Variants in DDX23 observed in about 807,000 individuals in gnomAD.
DDX23 encodes probable ATP-dependent RNA helicase DDX23.
Under a neutral mutation model 102.7 loss-of-function variants are expected in DDX23, and 33 were observed. The observed-to-expected ratio is 0.32, with a 90% CI of 0.24 to 0.43. DDX23 has a LOEUF of 0.43. Among genes scored for constraint, DDX23 ranks in the 20% least tolerant of loss-of-function variants. The pLI is 1.00. For synonymous variants in DDX23, 352 were observed against 376.0 expected (o/e 0.94, Z 0.74); for missense variants, 549 against 1,086.6 (o/e 0.51, Z 6.96).
In DDX23 at chr12:48,845,492, T is replaced by C. The variant is rs562336720; in HGVS notation, c.209+82A>G. The C allele has an allele frequency of 4.5e-5, 66 of 1,450,884 alleles. 1 individual carries two copies. The South Asian group carries it at 7.2e-4, about 16-fold the overall frequency. 89.9% of individuals were successfully genotyped at this position (1,450,884 alleles called of 1,614,324 possible). A position where few individuals can be genotyped will look rare whatever the true frequency, so the allele number is the denominator to read the frequency against. ...AAAATAAAAAGTAGATGCCTAATAC[T>C]GGAGGCATCAGAAGAACCAAGAAGG... On this transcript the variant is annotated intron_variant, in intron 2 of 16. Transcript: ENST00000308025.
In DDX23 at chr12:48,832,375, C is replaced by T; in HGVS notation, c.1955+47G>A. 1 of 1,598,684 alleles carries T rather than the reference C, an allele frequency of 6.3e-7. No homozygotes were observed. Among genetic ancestry groups the T allele is most frequent in the African/African-American group, 1.3e-5 (1 of 74,696 alleles). ...ACCTGCACTAAAAAAGTTCTCAGAG[C>T]CATTTTATTCTCCACCCTGTTTCCC... On this transcript the variant is annotated intron_variant, in intron 14 of 16. Coordinates refer to ENST00000308025, the MANE Select transcript of DDX23 (RefSeq NM_004818.3). The surrounding 1 kb of genome is among the most constrained non-coding windows in gnomAD (Gnocchi z 4.4).
chr12:48,830,384 AC>A lies in DDX23; in HGVS notation c.*84del, dbSNP rs779916442. Reference sequence around the variant, plus strand: ...AAGCCCCCATATCCCAAGAGTGAGGACCTGGAAAGAGGGATGTGAGGGTTCT... The same window carrying A: ...AAGCCCCCATATCCCAAGAGTGAGGACTGGAAAGAGGGATGTGAGGGTTCT... On this transcript the variant is annotated 3_prime_UTR_variant, in exon 17 of 17. Coordinates refer to ENST00000308025, the MANE Select transcript of DDX23 (RefSeq NM_004818.3). This position sits in a 1 kb window ranked among gnomAD's most constrained non-coding sequence, Gnocchi z 4.9. 4.1e-6 allele frequency: 6 copies of A among 1,459,170 alleles called. No individual in the cohort carries two copies. In the African/African-American group the frequency reaches 7.0e-5, roughly 17 times the overall value. The allele number at this position is 1,459,170 out of a possible 1,614,324, so 90.4% of individuals were successfully genotyped here.
At chr12:48,831,961 G>T in intron 15 of DDX23, 117 bp downstream of exon 15, 2 of 924,026 alleles carry the variant, frequency 2.2e-6, no homozygotes, top group South Asian at 1.6e-5. Flanking sequence ...CTAACTTGTT[G>T]ATTGCTGGAC....
chr12:48,851,263 G>C (rs1247476492), intron 1 of DDX23, among the ~76,000 whole-genome samples: 4 of 152,186 alleles, frequency 2.6e-5, no homozygotes, highest in Non-Finnish European at 4.4e-5. Flanking sequence ...CCTGAGCTCA[G>C]GAGTTCGAGA....
intron 1 of DDX23, among the ~76,000 whole-genome samples, chr12:48,851,493 AG>A (rs1464092881): frequency 7.2e-5 from 11 of 152,262 alleles, no homozygotes; most frequent in African/African-American, 2.4e-4. Context: ...AGAAAAGAAA[AG>A]AAAAAAAAGA....
Position 48,836,482 on chromosome 12 carries a change from C to G in DDX23, c.1236+87G>C. 1.4e-6 allele frequency: 2 copies of G among 1,407,648 alleles called. No homozygotes were observed. Among genetic ancestry groups the G allele is most frequent in the Non-Finnish European group, 2.0e-6 (2 of 1,010,594 alleles). The allele number at this position is 1,407,648 out of a possible 1,614,324, so 87.2% of individuals were successfully genotyped here. A position where few individuals can be genotyped will look rare whatever the true frequency, so the allele number is the denominator to read the frequency against. ...CATTGGTGCCCACTAGCAGCGATGG[C>G]TCCAAATAGTCAAGGAACAAAGTTC... On this transcript the variant is annotated intron_variant, in intron 10 of 16. Coordinates refer to ENST00000308025, the MANE Select transcript of DDX23 (RefSeq NM_004818.3). This position sits in a 1 kb window ranked among gnomAD's most constrained non-coding sequence, Gnocchi z 6.1.
chr12:48,846,980 A>G (rs1938678582), intron 1 of DDX23, among the ~76,000 whole-genome samples: 1 of 152,170 alleles, frequency 6.6e-6, no homozygotes, highest in Admixed American at 6.5e-5. Flanking sequence ...CTTGGGATAC[A>G]TTTCTCGCAA....
intron 2 of DDX23, among the ~76,000 whole-genome samples, chr12:48,844,999 A>T (rs975339613): frequency 4.0e-5 from 6 of 151,768 alleles, no homozygotes; most frequent in African/African-American, 1.5e-4. Context: ...CTAAAAGTAC[A>T]AAATTAGCCA....
chr12:48,849,812 C>T (rs1938729754), intron 1 of DDX23, among the ~76,000 whole-genome samples: 1 of 152,192 alleles, frequency 6.6e-6, no homozygotes, highest in African/African-American at 2.4e-5. Flanking sequence ...TCCAGGAACA[C>T]GGCTTGTGCC....
chr12:48,848,147 G>A (rs1013054197), intron 1 of DDX23, among the ~76,000 whole-genome samples: 38 of 152,086 alleles, frequency 2.5e-4, no homozygotes, highest in South Asian at 1.0e-3. Flanking sequence ...TTAGCCGGGC[G>A]TGGTGGTGGG....
At chr12:48,845,887 G>A in intron 1 of DDX23, 105 bp from the exon 2 acceptor site, 4 of 1,225,100 alleles carry the variant, frequency 3.3e-6, no homozygotes, top group Non-Finnish European at 3.4e-6. Context: ...GGATATATTA[G>A]TATGTCTACC....
intron 1 of DDX23, 60 bp from the exon 2 acceptor site, chr12:48,845,842 A>G: frequency 6.5e-7 from 1 of 1,545,376 alleles, no homozygotes; most frequent in Non-Finnish European, 8.8e-7. Context: ...CTGCTTATAT[A>G]TAATTCAATT....
chr12:48,844,767 C>A (rs529831209), intron 2 of DDX23, among the ~76,000 whole-genome samples: 3 of 151,626 alleles, frequency 2.0e-5, no homozygotes, highest in Non-Finnish European at 4.4e-5. Flanking sequence ...CAACCGCGCC[C>A]GGCCCCCTCT....
chr12:48,833,297 C>T lies in DDX23; in HGVS notation c.1783G>A (p.Gly595Arg). The part of the protein sequence containing the change: ...PEKMLANFES[G>R]KHKYRQTVMF... ...CTTACTTGGCGGTACTTATGTTTTC[C>T]CGACTCAAAGTTGGCCAGCATCTTC... is the stretch of plus-strand genomic sequence containing the variant. Residue 595 changes from glycine (G) to arginine (R), a missense_variant, in exon 13 of 17, where the codon GGA becomes AGA. Gly to Arg is a moderately radical substitution (Grantham distance 125). Coordinates refer to ENST00000308025, the MANE Select transcript of DDX23 (RefSeq NM_004818.3). 1 of 1,614,152 alleles carries T rather than the reference C, an allele frequency of 6.2e-7. No homozygotes were observed. The highest frequency in any genetic ancestry group is 8.5e-7 in the Non-Finnish European group (1 of 1,180,028).
chr12:48,844,074 T>C (rs199917131), intron 2 of DDX23, 24 bp from the exon 3 acceptor site: 3 of 1,611,594 alleles, frequency 1.9e-6, no homozygotes, highest in African/African-American at 1.3e-5. Context: ...AATTTAAGAG[T>C]TCACTTGGTA....
intron 3 of DDX23, among the ~76,000 whole-genome samples, chr12:48,842,117 C>T (rs1174684368): frequency 2.0e-5 from 3 of 151,842 alleles, no homozygotes; most frequent in Non-Finnish European, 4.4e-5. Flanking sequence ...GGCAGCCACC[C>T]CGTCTGGGAA....
chr12:48,841,693 C>A (rs547725578), intron 3 of DDX23, among the ~76,000 whole-genome samples: 105 of 152,354 alleles, frequency 6.9e-4, no homozygotes, highest in African/African-American at 2.5e-3. Flanking sequence ...CAGCTCCTGA[C>A]CGCGAGTGAT....
At chr12:48,835,960 T>C (rs949565395) in intron 11 of DDX23, among the ~76,000 whole-genome samples, 161 bp downstream of exon 11, 8 of 152,220 alleles carry the variant, frequency 5.3e-5, no homozygotes, top group Non-Finnish European at 1.0e-4. Flanking sequence ...CAGCAACATA[T>C]ACTTCTTCGA....
In DDX23 at chr12:48,832,777, G is replaced by A. The variant is rs182292977; in HGVS notation, c.1804-204C>T. 151 of 642,608 alleles carry A rather than the reference G, an allele frequency of 2.3e-4. 1 individual carries two copies. The African/African-American group carries it at 2.6e-3, about 11-fold the overall frequency. The allele number at this position is 642,608 out of a possible 1,614,324, so 39.8% of individuals were successfully genotyped here. ...ATCAAGGCACTTTCCATCTTATGAT[G>A]ACAGGAAGGATTGAGAGCATTTGCT... On this transcript the variant is annotated intron_variant, in intron 13 of 16. Transcript: ENST00000308025. This position sits in a 1 kb window ranked among gnomAD's most constrained non-coding sequence, Gnocchi z 4.4.
Sources: allele counts gnomAD v4.1 joint callset (sites outside exome capture counted in the v4.1 genomes callset), GRCh38; gene constraint gnomAD v4.1.1; non-coding constraint Gnocchi (gnomAD v3.1); transcripts MANE v1.5; gene names NCBI Gene and HGNC (gene_info 2026-07-23, HGNC 2026-07-21).